FAR1: variants seen among roughly 807,000 people sequenced by gnomAD.
The protein encoded by FAR1 is male sterility domain-containing protein 2.
FAR1 carries 22 observed loss-of-function variants against 61.1 expected under a neutral mutation model. The ratio of observed to expected loss-of-function variants is 0.36; its 90% CI spans 0.26 to 0.51. The LOEUF is 0.51. Among genes scored for constraint, FAR1 ranks in the 20% least tolerant of loss-of-function variants. The probability of loss-of-function intolerance (pLI) is 0.95; values close to 1 mark genes in which losing one functional copy is unlikely to be tolerated. For missense variants in FAR1, 359 were observed against 626.9 expected (o/e 0.57, Z 4.56); for synonymous variants, 206 against 209.7 (o/e 0.98, Z 0.15).
chr11:13,700,287 T>TGTAAAATA (rs200062896), intron 2 of FAR1, 30 bp from the exon 3 acceptor site: 22,309 of 1,512,252 alleles, frequency 0.015, 214 homozygotes, highest in Non-Finnish European at 0.017. Flanking sequence ...AAAATACTGC[T>TGTAAAATA]GTAAAATAAA....
At chr11:13,690,399 C>T (rs1848236432) in intron 1 of FAR1, among the ~76,000 whole-genome samples, 1 of 151,672 alleles carries the variant, frequency 6.6e-6, no homozygotes, top group South Asian at 2.1e-4. Flanking sequence ...TAGTTTTGTC[C>T]AGTTTAGCAA....
chr11:13,728,099 A>G (rs1483849413), intron 11 of FAR1, among the ~76,000 whole-genome samples: 1 of 151,858 alleles, frequency 6.6e-6, no homozygotes, highest in Non-Finnish European at 1.5e-5. Flanking sequence ...AGTATAATTT[A>G]TGTAACATTA....
intron 9 of FAR1, among the ~76,000 whole-genome samples, chr11:13,715,312 C>T (rs896738424): frequency 2.8e-4 from 43 of 152,244 alleles, no homozygotes; most frequent in African/African-American, 9.6e-4. Context: ...TTTGGGGACA[C>T]TAACTATGGA....
At chr11:13,695,064 T>C (rs1160728754) in intron 2 of FAR1, 110 bp downstream of exon 2, 2 of 903,880 alleles carry the variant, frequency 2.2e-6, no homozygotes, top group Non-Finnish European at 1.5e-6. Context: ...CTGAAAAAAT[T>C]AGTAAAACAA....
At chr11:13,710,119 T>C (rs965845432) in intron 4 of FAR1, among the ~76,000 whole-genome samples, 33 of 152,248 alleles carry the variant, frequency 2.2e-4, no homozygotes, top group African/African-American at 7.5e-4. Context: ...TTTGCAGTGC[T>C]GCACCTTAAA....
At position 13,711,955 on chromosome 11, in the gene FAR1, C is replaced by G; in HGVS notation, c.796C>G (p.Arg266Gly). 1 of 1,613,232 alleles carries G rather than the reference C, an allele frequency of 6.2e-7. No homozygotes were observed. Among genetic ancestry groups the G allele is most frequent in the Non-Finnish European group, 8.5e-7 (1 of 1,179,442 alleles). Residue 266 changes from arginine to glycine, a missense_variant, in exon 7 of 12, where the codon CGT becomes GGT. Arg to Gly is a moderately radical substitution (Grantham distance 125, BLOSUM62 -2). This residue lies in a region of FAR1 where 344 missense variants were observed against 570.3 expected (regional missense o/e 0.60). Transcript: ENST00000354817. ...AGGGAAAGGAATTCTTCGAACAATA[C>G]GTGCCTCCAACAATGCCCTTGCAGA... ...AAGKGILRTI[R>G]ASNNALADLV... is the part of the protein sequence containing the mutation.
intron 10 of FAR1, among the ~76,000 whole-genome samples, chr11:13,725,923 T>C (rs1414323949): frequency 6.8e-6 from 1 of 147,664 alleles, no homozygotes. Flanking sequence ...TCTTTTTTCT[T>C]TTTTTTTTGG....
chr11:13,681,441 C>T (rs1209848366), intron 1 of FAR1, among the ~76,000 whole-genome samples: 1 of 152,190 alleles, frequency 6.6e-6, no homozygotes, highest in African/African-American at 2.4e-5. Context: ...ACTGTTCTCT[C>T]ATTCTGAGGT....
Position 13,668,740 on chromosome 11 carries a change from C to G in FAR1, c.-74C>G, listed in dbSNP as rs1049411902. The G allele has an allele frequency of 1.3e-5, 2 of 156,742 alleles. No homozygotes were observed. The highest frequency in any genetic ancestry group is 4.8e-5 in the African/African-American group (2 of 41,486). The allele number at this position is 156,742 out of a possible 1,614,324, so 9.7% of individuals were successfully genotyped here. A position where few individuals can be genotyped will look rare whatever the true frequency, so the allele number is the denominator to read the frequency against. The stretch of plus-strand genomic sequence containing the variant: ...GCGAGTGAAGAGAGCGCGACGGCGG[C>G]GGCGGCGGCGGCGCAGCTATTGCTG... On this transcript the variant is annotated 5_prime_UTR_variant, in exon 1 of 12. Transcript: ENST00000354817.
At chr11:13,670,779 CT>C (rs1847992223) in intron 1 of FAR1, among the ~76,000 whole-genome samples, 1 of 148,796 alleles carries the variant, frequency 6.7e-6, no homozygotes, top group Admixed American at 6.7e-5. Context: ...CTATTTGAAG[CT>C]TTTGGAATTT....
intron 11 of FAR1, 121 bp from the exon 12 acceptor site, chr11:13,728,491 A>AT: frequency 5.6e-6 from 5 of 888,738 alleles, no homozygotes; most frequent in Non-Finnish European, 8.7e-6. Context: ...AATGCCTATC[A>AT]TAAGTTTCAA....
chr11:13,708,476 C>CAT (rs113804572), intron 4 of FAR1, among the ~76,000 whole-genome samples: 3 of 124,300 alleles, frequency 2.4e-5, no homozygotes, highest in African/African-American at 5.7e-5. Context: ...CACACACACA[C>CAT]ATACATTTAT....
chr11:13,668,999 T>G (rs534684501), intron 1 of FAR1, among the ~76,000 whole-genome samples, 193 bp downstream of exon 1: 1 of 151,894 alleles, frequency 6.6e-6, no homozygotes, highest in South Asian at 2.1e-4. Flanking sequence ...TCTCTGCCCC[T>G]CTTTGCCCCG....
intron 1 of FAR1, among the ~76,000 whole-genome samples, chr11:13,690,171 C>G (rs1848233753): frequency 6.6e-6 from 1 of 152,184 alleles, no homozygotes; most frequent in Non-Finnish European, 1.5e-5. Flanking sequence ...ACCACCGCGC[C>G]TGGCCCAATC....
chr11:13,695,066 G>GA, intron 2 of FAR1, 112 bp downstream of exon 2: 4 of 882,428 alleles, frequency 4.5e-6, no homozygotes, highest in Non-Finnish European at 1.6e-6. Context: ...GAAAAAATTA[G>GA]TAAAACAAAA....
intron 3 of FAR1, among the ~76,000 whole-genome samples, chr11:13,707,330 AT>A (rs1421803632): frequency 6.6e-6 from 1 of 152,168 alleles, no homozygotes; most frequent in Admixed American, 6.6e-5. Context: ...TTATTATAAT[AT>A]CCCTTTGAAT....
chr11:13,682,190 T>C (rs1006560198), intron 1 of FAR1, among the ~76,000 whole-genome samples: 2 of 152,244 alleles, frequency 1.3e-5, no homozygotes, highest in African/African-American at 4.8e-5. Flanking sequence ...GAAGATATTA[T>C]TGTATCAAAC....
At chr11:13,703,763 G>T (rs1420688355) in intron 3 of FAR1, among the ~76,000 whole-genome samples, 1 of 152,106 alleles carries the variant, frequency 6.6e-6, no homozygotes, top group African/African-American at 2.4e-5. Flanking sequence ...TGTGGGGAGG[G>T]CTGGGCGTGG....
chr11:13,707,010 C>CA (rs960576385), intron 3 of FAR1, among the ~76,000 whole-genome samples: 29 of 151,992 alleles, frequency 1.9e-4, no homozygotes, highest in African/African-American at 6.3e-4. Context: ...AATCCTGCTT[C>CA]AAAAAAATCG....
Sources: allele counts gnomAD v4.1 joint callset (sites outside exome capture counted in the v4.1 genomes callset), GRCh38; gene constraint gnomAD v4.1.1; regional missense constraint gnomAD v4.1.1; transcripts MANE v1.5; gene names NCBI Gene and HGNC (gene_info 2026-07-23, HGNC 2026-07-21).